The following DKK2 variants were observed in gnomAD, a reference collection of about 807,000 sequenced individuals.
DKK2 encodes the protein dickkopf-related protein 2.
Under a neutral mutation model 28.1 loss-of-function variants are expected in DKK2, and 11 were observed. That is an observed-to-expected ratio of 0.39 (90% CI 0.25 to 0.65). The LOEUF is 0.65. Among genes scored for constraint, DKK2 ranks in the 30% least tolerant of loss-of-function variants. The pLI is 0.47. For synonymous variants in DKK2, 135 were observed against 126.5 expected, an observed-to-expected ratio of 1.07 and a Z score of -0.45; for missense variants, 326 against 335.5, an observed-to-expected ratio of 0.97 and a Z score of 0.22.
intron 1 of DKK2, among the ~76,000 whole-genome samples, chr4:107,027,415 A>G (rs1435409961): frequency 6.6e-6 from 1 of 151,976 alleles, no homozygotes; most frequent in East Asian, 1.9e-4. Flanking sequence ...ATTTAACATT[A>G]CTAAAATATT....
At chr4:107,002,767 T>C (rs2110365782) in intron 1 of DKK2, among the ~76,000 whole-genome samples, 1 of 152,314 alleles carries the variant, frequency 6.6e-6, no homozygotes, top group African/African-American at 2.4e-5. Flanking sequence ...TAATTAAAAG[T>C]TCACATCCTG....
chr4:106,952,672 AT>A (rs1388698692), intron 1 of DKK2, among the ~76,000 whole-genome samples: 2 of 152,182 alleles, frequency 1.3e-5, no homozygotes, highest in African/African-American at 4.8e-5. Flanking sequence ...CTTCTCAAAA[AT>A]AAAAATAGCC....
At chr4:107,006,436 G>A (rs1039123284) in intron 1 of DKK2, among the ~76,000 whole-genome samples, 3 of 152,104 alleles carry the variant, frequency 2.0e-5, no homozygotes, top group African/African-American at 7.2e-5. Context: ...TCTGCACTTA[G>A]CAGCACCTGG....
At chr4:106,943,994 T>C (rs399087) in intron 1 of DKK2, among the ~76,000 whole-genome samples, 44,747 of 151,874 alleles carry the variant, frequency 0.29, 6,881 homozygotes, top group African/African-American at 0.38. Context: ...ATATATTTCT[T>C]GTTGGTGGAT....
intron 1 of DKK2, among the ~76,000 whole-genome samples, chr4:106,989,940 T>G (rs1723180196): frequency 6.6e-6 from 1 of 150,692 alleles, no homozygotes; most frequent in Admixed American, 6.6e-5. Flanking sequence ...AAAAATATCT[T>G]TAGTTTAACC....
chr4:106,961,300 A>G (rs914436395), intron 1 of DKK2, among the ~76,000 whole-genome samples: 1 of 152,106 alleles, frequency 6.6e-6, no homozygotes, highest in Non-Finnish European at 1.5e-5. Flanking sequence ...AAGGATTTTG[A>G]CCCTGCTAAA....
In DKK2 at chr4:106,923,975, G is replaced by C; in HGVS notation, c.759C>G (p.Leu253=). 2.5e-6 allele frequency: 4 copies of C among 1,613,838 alleles called. No homozygotes were observed. Among genetic ancestry groups the C allele is most frequent in the Non-Finnish European group, 3.4e-6 (4 of 1,179,810 alleles). The change falls in exon 4 of 4, where the codon CTC becomes CTG. Residue 253 remains leucine (L), a synonymous_variant. Coordinates refer to ENST00000285311, the MANE Select transcript of DKK2 (RefSeq NM_014421.3). The part of the protein sequence containing the change: ...KDATYSSKAR[L]HVCQKI ...GTGATCAAATTTTCTGACACACATGGAGTCTGGCTTTGGAGGAGTAGGTGG... is the reference window on the plus strand; with the variant it reads ...GTGATCAAATTTTCTGACACACATGCAGTCTGGCTTTGGAGGAGTAGGTGG...
chr4:106,941,653 C>G (rs1724700635), intron 1 of DKK2, among the ~76,000 whole-genome samples: 1 of 152,092 alleles, frequency 6.6e-6, no homozygotes, highest in African/African-American at 2.4e-5. Context: ...TTCCAAAACT[C>G]AGGACAAACT....
At chr4:106,991,089 G>C (rs1485025939) in intron 1 of DKK2, among the ~76,000 whole-genome samples, 4 of 152,096 alleles carry the variant, frequency 2.6e-5, no homozygotes, top group Non-Finnish European at 4.4e-5. Context: ...TTTGAAAAAA[G>C]AGTTTTAGCA....
intron 1 of DKK2, among the ~76,000 whole-genome samples, chr4:106,965,783 C>T (rs1026335129): frequency 9.8e-5 from 13 of 133,332 alleles, no homozygotes; most frequent in African/African-American, 2.8e-4. Flanking sequence ...GTGTAATATT[C>T]CCCTTCCTGT....
chr4:107,008,192 A>T (rs566877156), intron 1 of DKK2, among the ~76,000 whole-genome samples: 1 of 152,264 alleles, frequency 6.6e-6, no homozygotes, highest in African/African-American at 2.4e-5. Context: ...AGGGACCTTA[A>T]AAATGTATAA....
In DKK2 at chr4:106,995,608, G is replaced by T. The variant is rs992908879; in HGVS notation, c.222+39762C>A. The stretch of plus-strand genomic sequence containing the variant: ...GTCACTGAAGAACAGGACCTTATGT[G>T]TATTTATTTATTTATTTATTTAGAG... On this transcript the variant is annotated intron_variant, in intron 1 of 3. Transcript: ENST00000285311. Among the ~76,000 whole-genome samples the T allele has an allele frequency of 2.0e-5, 3 of 152,074 alleles. No individual in the cohort carries two copies. The East Asian group carries it at 5.8e-4, about 29-fold the overall frequency.
Position 106,969,140 on chromosome 4 carries a change from G to T in DKK2, c.223-43191C>A, listed in dbSNP as rs13435870. 4.2e-4 allele frequency among the ~76,000 whole-genome samples: 63 copies of T among 151,772 alleles called. 1 individual carries two copies. The highest frequency in any genetic ancestry group is 1.4e-3 in the African/African-American group (57 of 41,394). ...TAATTTAGGAATCAATGACCTCAAA[G>T]AAGCCATTTCTTAATCTTTGCTCAG... is the stretch of plus-strand genomic sequence containing the variant. On this transcript the variant is annotated intron_variant, in intron 1 of 3. Transcript: ENST00000285311.
At chr4:106,991,108 T>C (rs906180809) in intron 1 of DKK2, among the ~76,000 whole-genome samples, 16 of 152,206 alleles carry the variant, frequency 1.1e-4, no homozygotes, top group Admixed American at 2.6e-4. Flanking sequence ...CAGATAATTA[T>C]TGAAATGTTA....
intron 1 of DKK2, among the ~76,000 whole-genome samples, chr4:107,013,479 G>T (rs1438873319): frequency 1.3e-5 from 2 of 151,282 alleles, no homozygotes; most frequent in African/African-American, 2.4e-5. Flanking sequence ...TGGGAAAACT[G>T]GATATACACG....
intron 1 of DKK2, among the ~76,000 whole-genome samples, chr4:106,982,829 A>G (rs1282316179): frequency 6.6e-6 from 1 of 151,196 alleles, no homozygotes; most frequent in African/African-American, 2.4e-5. Context: ...GTTTGAGTCC[A>G]GAGTTCACAA....
At chr4:106,956,140 T>C (rs1235450440) in intron 1 of DKK2, among the ~76,000 whole-genome samples, 1 of 152,116 alleles carries the variant, frequency 6.6e-6, no homozygotes, top group Non-Finnish European at 1.5e-5. Context: ...TAAGAACTAA[T>C]ATAGTCCATA....
intron 1 of DKK2, among the ~76,000 whole-genome samples, chr4:106,932,705 T>A (rs894402321): frequency 5.3e-5 from 8 of 152,192 alleles, no homozygotes; most frequent in Non-Finnish European, 1.2e-4. Flanking sequence ...TATAAAGTAC[T>A]CTATAATTTG....
intron 1 of DKK2, among the ~76,000 whole-genome samples, chr4:107,007,317 T>A (rs1332547203): frequency 6.6e-6 from 1 of 152,092 alleles, no homozygotes; most frequent in African/African-American, 2.4e-5. Context: ...TTTAAGTTCT[T>A]TATCATTATG....
Sources: gnomAD v4.1 joint callset for allele counts (sites outside exome capture counted in the v4.1 genomes callset) on GRCh38, gnomAD v4.1.1 for gene constraint, MANE v1.5 for transcripts, NCBI Gene and HGNC (gene_info 2026-07-23, HGNC 2026-07-21) for gene names.